LAMA4: variants seen among roughly 807,000 people sequenced by gnomAD.
LAMA4 encodes the protein laminin subunit alpha-4.
A neutral mutation model predicts 207.1 loss-of-function variants in LAMA4; 127 were observed. The observed-to-expected ratio is 0.61, with a 90% confidence interval of 0.53 to 0.71. LAMA4 has a LOEUF of 0.71. Among genes scored for constraint, LAMA4 ranks in the 30% least tolerant of loss-of-function variants. The pLI, the probability that LAMA4 is intolerant of heterozygous loss-of-function variation, is 0.00. For synonymous variants in LAMA4, 761 were observed against 816.0 expected (o/e 0.93, Z 1.15); for missense variants, 2,093 against 2,246.5 (o/e 0.93, Z 1.38).
At chr6:112,248,716 A>T (rs1584018638) in intron 2 of LAMA4, among the ~76,000 whole-genome samples, 2 of 152,076 alleles carry the variant, frequency 1.3e-5, no homozygotes, top group East Asian at 3.9e-4. Context: ...ATCTAAATCA[A>T]CAGCTTTTAA....
chr6:112,122,241 C>G (rs1778406749), intron 31 of LAMA4, 40 bp from the exon 32 acceptor site: 1 of 1,511,402 alleles, frequency 6.6e-7, no homozygotes, highest in Non-Finnish European at 9.2e-7. Context: ...AAGTGACATA[C>G]TAGCAGCAAA....
intron 2 of LAMA4, among the ~76,000 whole-genome samples, chr6:112,237,494 C>T (rs1367607659): frequency 6.6e-6 from 1 of 152,162 alleles, no homozygotes; most frequent in East Asian, 1.9e-4. Context: ...ATGTGAAATT[C>T]ATCTATAAAA....
intron 12 of LAMA4, among the ~76,000 whole-genome samples, chr6:112,168,754 ATGTGTGTCTGTG>A (rs780724118): frequency 3.2e-4 from 49 of 152,160 alleles, no homozygotes; most frequent in Non-Finnish European, 3.8e-4. Flanking sequence ...GTGTATGTGC[ATGTGTGTCTGTG>A]TGTGTGTCTG....
At chr6:112,252,085 C>G (rs1252651327) in intron 2 of LAMA4, among the ~76,000 whole-genome samples, 1 of 152,218 alleles carries the variant, frequency 6.6e-6, no homozygotes, top group Non-Finnish European at 1.5e-5. Flanking sequence ...ATTGTAACAA[C>G]TCTTGGCATA....
At chr6:112,134,349 C>T (rs140141013) in intron 26 of LAMA4, 118 bp downstream of exon 26, 85 of 968,654 alleles carry the variant, frequency 8.8e-5, no homozygotes, top group Non-Finnish European at 1.3e-4. Context: ...GTACCTGTGC[C>T]TGTCCCTGTG....
Position 112,118,984 on chromosome 6 carries a change from C to T in LAMA4, c.4821+172G>A, listed in dbSNP as rs1481442737. Among the ~76,000 whole-genome samples the T allele has an allele frequency of 3.3e-5, 5 of 152,164 alleles. No individual in the cohort carries two copies. Among genetic ancestry groups the T allele is most frequent in the East Asian group, 3.8e-4 (2 of 5,198 alleles). ...GATTACTTCTGACTTTGTAATGCCA[C>T]AGGGCAGACAGGCAGCCCATAAGAC... On this transcript the variant is annotated intron_variant, in intron 34 of 38. Coordinates refer to ENST00000230538, the MANE Select transcript of LAMA4 (RefSeq NM_001105206.3). The surrounding 1 kb of genome is among the most constrained non-coding windows in gnomAD (Gnocchi z 4.6).
chr6:112,195,828 G>A (rs1554350296), intron 5 of LAMA4, among the ~76,000 whole-genome samples: 1 of 152,046 alleles, frequency 6.6e-6, no homozygotes, highest in East Asian at 1.9e-4. Context: ...TGAACGTTGA[G>A]GGTCTTGGGT....
At chr6:112,212,476 G>A (rs1259479609) in intron 3 of LAMA4, among the ~76,000 whole-genome samples, 4 of 152,006 alleles carry the variant, frequency 2.6e-5, no homozygotes, top group Admixed American at 6.5e-5. Context: ...CTCCCACCTC[G>A]GCCTCCCAAA....
At chr6:112,153,254 G>A (rs1554336127) in intron 16 of LAMA4, among the ~76,000 whole-genome samples, 4 of 128,380 alleles carry the variant, frequency 3.1e-5, no homozygotes, top group Non-Finnish European at 7.8e-5. Context: ...ATGTAATTCA[G>A]TAGATGACTA....
intron 2 of LAMA4, among the ~76,000 whole-genome samples, chr6:112,240,254 G>A (rs1471886467): frequency 6.6e-6 from 1 of 151,518 alleles, no homozygotes; most frequent in Non-Finnish European, 1.5e-5. Flanking sequence ...TTTAATCTTT[G>A]TATTTTTTTT....
intron 2 of LAMA4, among the ~76,000 whole-genome samples, chr6:112,240,939 C>A (rs1786378406): frequency 6.6e-6 from 1 of 150,772 alleles, no homozygotes; most frequent in African/African-American, 2.4e-5. Context: ...TATTGTAGCT[C>A]AATTTTTATT....
In LAMA4 at chr6:112,175,393, A is replaced by G. The variant is rs200112094; in HGVS notation, c.1277T>C (p.Met426Thr). 367 of 1,614,044 alleles carry G rather than the reference A, an allele frequency of 2.3e-4. No homozygotes were observed. The highest frequency in any genetic ancestry group is 2.9e-4 in the Non-Finnish European group (345 of 1,180,014). Residue 426 changes from methionine to threonine, a missense_variant, in exon 11 of 39, where the codon ATG (methionine) becomes ACG (threonine). Physicochemically the swap from Met to Thr is moderately conservative, Grantham distance 81. This residue lies in a region of LAMA4 where 1,704 missense variants were observed against 1,788.4 expected (regional missense o/e 0.95). Coordinates refer to ENST00000230538, the MANE Select transcript of LAMA4 (RefSeq NM_001105206.3). Reference sequence around the variant, plus strand: ...TTGACGGCTTCTAATCTCTTCAAGCATCTTCTGGGCCAACACCAGCTTCTC... The same window carrying G: ...TTGACGGCTTCTAATCTCTTCAAGCGTCTTCTGGGCCAACACCAGCTTCTC... ...ISEKLVLAQK[M>T]LEEIRSRQPF...
chr6:112,205,841 G>T (rs1784027816), intron 4 of LAMA4, among the ~76,000 whole-genome samples: 1 of 152,040 alleles, frequency 6.6e-6, no homozygotes, highest in Non-Finnish European at 1.5e-5. Context: ...TGGAGATTGA[G>T]TTCAGTTACC....
chr6:112,166,305 C>T (rs1269247273), intron 12 of LAMA4: 1 of 152,138 alleles, frequency 6.6e-6, no homozygotes, highest in Non-Finnish European at 1.5e-5. Flanking sequence ...TTTGAACATC[C>T]TCTTAATGCA....
chr6:112,149,171 G>A (rs190645087), intron 17 of LAMA4, among the ~76,000 whole-genome samples: 74 of 150,912 alleles, frequency 4.9e-4, no homozygotes, highest in Non-Finnish European at 4.1e-4. Context: ...TTATTAAAGT[G>A]AGGATATATT....
chr6:112,213,959 A>C, intron 3 of LAMA4: 1 of 705,786 alleles, frequency 1.4e-6, no homozygotes, highest in Non-Finnish European at 2.6e-6. Flanking sequence ...TGGTCATGAC[A>C]GTGAGCTACA....
chr6:112,234,590 AAG>A (rs1274868588), intron 2 of LAMA4: 1 of 152,162 alleles, frequency 6.6e-6, no homozygotes, highest in Non-Finnish European at 1.5e-5. Flanking sequence ...TAAAAAAAAA[AAG>A]AGATTGTAAT....
At chr6:112,178,421 T>A (rs930163371) in intron 9 of LAMA4, 189 bp from the exon 10 acceptor site, 38 of 591,612 alleles carry the variant, frequency 6.4e-5, no homozygotes, top group Middle Eastern at 4.3e-4. Flanking sequence ...GTTTTACTTT[T>A]AAAAAATTTT....
At chr6:112,161,172 T>C (rs1485165417) in intron 13 of LAMA4, among the ~76,000 whole-genome samples, 1 of 152,238 alleles carries the variant, frequency 6.6e-6, no homozygotes, top group East Asian at 1.9e-4. Flanking sequence ...AGCTCAAATA[T>C]CACTTCCTTT....
Sources: gnomAD v4.1 joint callset for allele counts (sites outside exome capture counted in the v4.1 genomes callset) on GRCh38, gnomAD v4.1.1 for gene constraint, gnomAD v4.1.1 regional missense constraint, Gnocchi (gnomAD v3.1) non-coding constraint, MANE v1.5 for transcripts, NCBI Gene and HGNC (gene_info 2026-07-23, HGNC 2026-07-21) for gene names.